SLC12A7: variants seen among roughly 807,000 people sequenced by gnomAD.
The protein encoded by SLC12A7 is solute carrier family 12 member 7, also known as K-Cl cotransporter 4.
In SLC12A7, 100 loss-of-function variants were observed where a neutral mutation model predicts 120.6. That is an observed-to-expected ratio of 0.83 (90% CI 0.71 to 0.98). The LOEUF (loss-of-function observed/expected upper bound fraction) is 0.98. SLC12A7 is among the 50% of genes least tolerant of loss of function. The pLI is 0.00. For missense variants in SLC12A7, 1,373 were observed against 1,548.1 expected (o/e 0.89, Z 1.90); for synonymous variants, 760 against 678.0 (o/e 1.12, Z -1.88).
At chr5:1,073,589 TG>T in intron 17 of SLC12A7, 43 bp downstream of exon 17, 2 of 1,563,694 alleles carry the variant, frequency 1.3e-6, no homozygotes, top group East Asian at 2.4e-5. Context: ...CCTGTGCAGC[TG>T]GGGTGGGAAA....
intron 15 of SLC12A7, among the ~76,000 whole-genome samples, chr5:1,074,931 G>T (rs897949444): frequency 6.6e-6 from 1 of 152,156 alleles, no homozygotes; most frequent in Non-Finnish European, 1.5e-5. Context: ...CTCACAGGAC[G>T]GGGGACAGGA....
intron 6 of SLC12A7, 77 bp downstream of exon 6, chr5:1,086,826 A>G: frequency 6.4e-7 from 1 of 1,563,446 alleles, no homozygotes. Context: ...TGTGTGCCAC[A>G]GAGTGGGTCA....
chr5:1,099,895 A>G (rs1035533841), intron 1 of SLC12A7, among the ~76,000 whole-genome samples: 1 of 151,458 alleles, frequency 6.6e-6, no homozygotes, highest in African/African-American at 2.4e-5. Flanking sequence ...AGGAGTGCGC[A>G]GGGGAATTCC....
chr5:1,138,362 G>A, the SLC12A7 span, among the ~76,000 whole-genome samples: 1 of 152,160 alleles, frequency 6.6e-6, no homozygotes, highest in Admixed American at 6.5e-5. Flanking sequence ...TTTACAGAGT[G>A]CTGATTGCTC....
chr5:1,073,781 A>G lies in SLC12A7; in HGVS notation c.2093T>C (p.Leu698Pro). The change falls in exon 17 of 24, where the codon CTG (leucine) becomes CCG (proline). Residue 698 changes from leucine (L) to proline (P), a missense_variant. Physicochemically the swap from Leu to Pro is moderately conservative, Grantham distance 98. Transcript: ENST00000264930. ...KNWRPQVLVM[L>P]NLDAEQAVKH... The stretch of plus-strand genomic sequence containing the variant: ...CACGGCCTGCTCCGCGTCCAGGTTC[A>G]GCATCACCAGCACCTGGGGCCTGCA... 6.9e-7 allele frequency: 1 copy of G among 1,453,080 alleles called. No homozygotes were observed. The highest frequency in any genetic ancestry group is 9.1e-7 in the Non-Finnish European group (1 of 1,097,908). 90.0% of individuals were successfully genotyped at this position (1,453,080 alleles called of 1,614,324 possible). A position where few individuals can be genotyped will look rare whatever the true frequency, so the allele number is the denominator to read the frequency against.
At chr5:1,120,841 C>G in the SLC12A7 span, among the ~76,000 whole-genome samples, 1 of 152,210 alleles carries the variant, frequency 6.6e-6, no homozygotes, top group African/African-American at 2.4e-5. Flanking sequence ...CTGGGGTGCA[C>G]ACCAGCACAG....
the SLC12A7 span, among the ~76,000 whole-genome samples, chr5:1,130,231 G>A: frequency 4.6e-5 from 7 of 152,118 alleles, no homozygotes; most frequent in Non-Finnish European, 7.4e-5. Flanking sequence ...CGCACCACTC[G>A]CTTCAGTCGT....
At chr5:1,084,191 G>A (rs951229478) in intron 7 of SLC12A7, among the ~76,000 whole-genome samples, 18 of 151,970 alleles carry the variant, frequency 1.2e-4, no homozygotes, top group African/African-American at 2.4e-4. Context: ...ACCAGGGACC[G>A]GGGACCAGGC....
chr5:1,066,866 C>T (rs925607088), intron 17 of SLC12A7, among the ~76,000 whole-genome samples: 1 of 152,146 alleles, frequency 6.6e-6, no homozygotes, highest in Non-Finnish European at 1.5e-5. Context: ...TCCTGGGCTC[C>T]AGAACTAGGA....
intron 1 of SLC12A7, among the ~76,000 whole-genome samples, chr5:1,104,759 A>G (rs919062940): frequency 4.6e-5 from 7 of 152,212 alleles, no homozygotes; most frequent in African/African-American, 9.6e-5. Flanking sequence ...TCCACACGTG[A>G]TTCAGAAGCA....
At chr5:1,092,277 G>A (rs1030536541) in intron 3 of SLC12A7, among the ~76,000 whole-genome samples, 2 of 152,264 alleles carry the variant, frequency 1.3e-5, no homozygotes, top group South Asian at 2.1e-4. Context: ...AACACTGGAC[G>A]CTGGCAGGAG....
At chr5:1,100,570 G>A (rs1741913906) in intron 1 of SLC12A7, among the ~76,000 whole-genome samples, 2 of 152,254 alleles carry the variant, frequency 1.3e-5, no homozygotes, top group African/African-American at 2.4e-5. Context: ...GGTGAGCTGC[G>A]CTCGTGGGTA....
In SLC12A7 at chr5:1,100,613, C is replaced by T. The variant is rs116506272; in HGVS notation, c.125-6365G>A. Among the ~76,000 whole-genome samples the T allele has an allele frequency of 7.4e-3, 1,133 of 152,320 alleles. 7 individuals carry two copies. The highest frequency in any genetic ancestry group is 0.013 in the Non-Finnish European group (895 of 68,018). On this transcript the variant is annotated intron_variant, in intron 1 of 23. Transcript: ENST00000264930. Reference sequence around the variant, plus strand: ...AGGAAGACGGCGCCCTCGGGGAGACCGCGCCAAGTGCTGTTGACGCGTGTG... The same window carrying T: ...AGGAAGACGGCGCCCTCGGGGAGACTGCGCCAAGTGCTGTTGACGCGTGTG...
intron 7 of SLC12A7, among the ~76,000 whole-genome samples, chr5:1,084,929 T>A (rs34563856): frequency 0.35 from 52,697 of 152,130 alleles, 10,399 homozygotes; most frequent in Non-Finnish European, 0.45. Flanking sequence ...TGACGCTCAC[T>A]GCACCTGACC....
chr5:1,077,249 C>T (rs1738460580), intron 12 of SLC12A7, among the ~76,000 whole-genome samples: 1 of 152,232 alleles, frequency 6.6e-6, no homozygotes, highest in Admixed American at 6.5e-5. Context: ...ACTGAAGATG[C>T]AACCACACAA....
intron 9 of SLC12A7, 61 bp from the exon 10 acceptor site, chr5:1,079,557 C>G: frequency 7.4e-7 from 1 of 1,352,658 alleles, no homozygotes; most frequent in Non-Finnish European, 1.1e-6. Flanking sequence ...GTGATGGCAG[C>G]CCCTGCCCAG....
At chr5:1,113,225 A>G (rs73731172), upstream of SLC12A7, among the ~76,000 whole-genome samples, 777 of 152,334 alleles carry the variant, frequency 5.1e-3, 8 homozygotes, top group African/African-American at 0.018. Context: ...GCAGAAACAC[A>G]GGTGGTGTGG....
At chr5:1,069,608 G>A (rs1737431231) in intron 17 of SLC12A7, among the ~76,000 whole-genome samples, 1 of 152,222 alleles carries the variant, frequency 6.6e-6, no homozygotes, top group Admixed American at 6.5e-5. Context: ...GAGGCTCGAG[G>A]CGCCCACGGC....
At chr5:1,102,201 AG>A (rs1467607926) in intron 1 of SLC12A7, among the ~76,000 whole-genome samples, 1 of 152,036 alleles carries the variant, frequency 6.6e-6, no homozygotes, top group Non-Finnish European at 1.5e-5. Context: ...CGGCCAGAGG[AG>A]GGGCAGCCCC....
Sources: gnomAD v4.1 joint callset for allele counts (sites outside exome capture counted in the v4.1 genomes callset) on GRCh38, gnomAD v4.1.1 for gene constraint, MANE v1.5 for transcripts, NCBI Gene and HGNC (gene_info 2026-07-23, HGNC 2026-07-21) for gene names.